Variants in RHPN2 observed in about 807,000 individuals in gnomAD.
RHPN2 encodes the protein rhophilin-2.
A neutral mutation model predicts 79.0 loss-of-function variants in RHPN2; 40 were observed. That is an observed-to-expected ratio of 0.51 (90% CI 0.39 to 0.66). The LOEUF (loss-of-function observed/expected upper bound fraction) is 0.66. RHPN2 is among the 30% of genes least tolerant of loss of function. The pLI, the probability that RHPN2 is intolerant of heterozygous loss-of-function variation, is 0.00. For missense variants in RHPN2, 686 were observed against 883.5 expected, an observed-to-expected ratio of 0.78 and a Z score of 2.83; for synonymous variants, 285 against 363.5, an observed-to-expected ratio of 0.78 and a Z score of 2.46.
At chr19:33,060,526 C>G (rs184966469) in intron 1 of RHPN2, among the ~76,000 whole-genome samples, 16 of 150,902 alleles carry the variant, frequency 1.1e-4, no homozygotes, top group South Asian at 4.3e-4. Flanking sequence ...ACGGCCGTTT[C>G]TTTGTTTGTT....
chr19:32,999,051 AGT>A (rs907385671), intron 10 of RHPN2, among the ~76,000 whole-genome samples: 9 of 151,056 alleles, frequency 6.0e-5, no homozygotes, highest in Non-Finnish European at 1.3e-4. Context: ...AAGCGTGGAG[AGT>A]GAGTCCAAGG....
intron 3 of RHPN2, 68 bp downstream of exon 3, chr19:33,026,436 G>A: frequency 1.3e-6 from 2 of 1,584,540 alleles, no homozygotes; most frequent in Non-Finnish European, 1.7e-6. Flanking sequence ...ACCTCTTTGT[G>A]CAGCACCCTG....
chr19:33,044,184 G>T (rs1972123463), intron 2 of RHPN2, 65 bp downstream of exon 2: 3 of 1,245,188 alleles, frequency 2.4e-6, no homozygotes, highest in South Asian at 1.2e-5. Context: ...CAAGAGCCTG[G>T]CCTGGGAGTT....
chr19:33,030,323 T>C (rs1028826298), intron 2 of RHPN2, among the ~76,000 whole-genome samples: 8 of 152,170 alleles, frequency 5.3e-5, no homozygotes, highest in African/African-American at 1.7e-4. Context: ...CCAGGTGCAG[T>C]GGCTCACATC....
intron 11 of RHPN2, among the ~76,000 whole-genome samples, chr19:32,994,301 C>T (rs1769577093): frequency 6.6e-6 from 1 of 151,960 alleles, no homozygotes; most frequent in Admixed American, 6.6e-5. Flanking sequence ...GAGGCTGAGG[C>T]AGGAGAATCA....
intron 4 of RHPN2, among the ~76,000 whole-genome samples, chr19:33,015,843 G>C (rs1032269226): frequency 5.3e-5 from 8 of 152,148 alleles, no homozygotes; most frequent in African/African-American, 1.9e-4. Flanking sequence ...GAGGTCAGGA[G>C]TTTGAGACCA....
At chr19:33,030,175 G>A (rs1971999807) in intron 2 of RHPN2, among the ~76,000 whole-genome samples, 1 of 152,130 alleles carries the variant, frequency 6.6e-6, no homozygotes, top group Non-Finnish European at 1.5e-5. Context: ...TTCCTCTTGT[G>A]GCCCTGGAAG....
chr19:33,001,456 C>G (rs1033518118), intron 9 of RHPN2, among the ~76,000 whole-genome samples: 8 of 152,020 alleles, frequency 5.3e-5, no homozygotes, highest in Admixed American at 2.0e-4. Flanking sequence ...TTGGGAGGAT[C>G]GCTTGAGCCC....
At chr19:33,038,017 T>C (rs1189651594) in intron 2 of RHPN2, among the ~76,000 whole-genome samples, 2 of 151,886 alleles carry the variant, frequency 1.3e-5, no homozygotes, top group East Asian at 3.9e-4. Context: ...AGCCTGAGCA[T>C]CATAGGGAGA....
Position 33,064,849 on chromosome 19 carries a change from T to A in RHPN2, c.4A>T (p.Thr2Ser). ...GGGGCCGCGGGCAACAGCGCGTCGG[T>A]CATGCTAGCGGCGCGGGCGCGGAGG... is the stretch of plus-strand genomic sequence containing the variant. MTDALLPAAPQP... is the reference protein window; with the variant it reads MSDALLPAAPQP... The change falls in exon 1 of 15, where the codon ACC becomes TCC. Residue 2 changes from threonine to serine, a missense_variant. Transcript: ENST00000254260. 6.9e-7 allele frequency: 1 copy of A among 1,448,052 alleles called. No individual in the cohort carries two copies. 89.7% of individuals were successfully genotyped at this position (1,448,052 alleles called of 1,614,324 possible).
chr19:33,032,941 G>A (rs1287135384), intron 2 of RHPN2, among the ~76,000 whole-genome samples: 1 of 152,014 alleles, frequency 6.6e-6, no homozygotes, highest in Non-Finnish European at 1.5e-5. Flanking sequence ...CTTACCTCCA[G>A]CTAAATCTCT....
chr19:33,016,905 G>C (rs1434419254), intron 4 of RHPN2, among the ~76,000 whole-genome samples: 1 of 152,224 alleles, frequency 6.6e-6, no homozygotes, highest in African/African-American at 2.4e-5. Flanking sequence ...GACATTTGTA[G>C]AGTCTCTTTT....
chr19:33,031,391 C>T (rs1196603479), intron 2 of RHPN2, among the ~76,000 whole-genome samples: 4 of 151,506 alleles, frequency 2.6e-5, no homozygotes, highest in Non-Finnish European at 5.9e-5. Flanking sequence ...TCCCAAGTAG[C>T]TGGGACTACA....
intron 13 of RHPN2, chr19:32,991,232 C>T (rs1182101603): frequency 2.2e-5 from 4 of 184,218 alleles, no homozygotes; most frequent in East Asian, 1.4e-4. Context: ...CCGAGGTAGG[C>T]GGATCACAAG....
chr19:32,997,787 G>A (rs772078246), intron 10 of RHPN2, among the ~76,000 whole-genome samples: 7 of 152,134 alleles, frequency 4.6e-5, no homozygotes, highest in Non-Finnish European at 8.8e-5. Context: ...CACCACACCC[G>A]GCCAAGGAAA....
At position 33,044,303 on chromosome 19, in the gene RHPN2, T is replaced by C; in HGVS notation, c.131A>G (p.Asn44Ser). The C allele has an allele frequency of 6.2e-7, 1 of 1,614,128 alleles. No homozygotes were observed. The highest frequency in any genetic ancestry group is 8.5e-7 in the Non-Finnish European group (1 of 1,180,030). The change falls in exon 2 of 15, where the codon AAT becomes AGT. Residue 44 changes from asparagine to serine, a missense_variant. By Grantham distance (46) the Asn-to-Ser change is conservative. Transcript: ENST00000254260. ...CCGCACGGCTTTCAGGATCTGCTGATTCAAAGCAGCTCTTTGATTCTGCAA... is the reference window on the plus strand; with the variant it reads ...CCGCACGGCTTTCAGGATCTGCTGACTCAAAGCAGCTCTTTGATTCTGCAA... ...SKLQNQRAAL[N>S]QQILKAVRMR...
At chr19:33,041,800 A>G (rs558017674) in intron 2 of RHPN2, among the ~76,000 whole-genome samples, 2 of 152,276 alleles carry the variant, frequency 1.3e-5, no homozygotes, top group Admixed American at 6.5e-5. Flanking sequence ...ACTTGTCTAT[A>G]AAAGTCTCCT....
chr19:33,014,240 CACAA>C (rs934086465), intron 4 of RHPN2, among the ~76,000 whole-genome samples: 7 of 152,106 alleles, frequency 4.6e-5, no homozygotes, highest in Non-Finnish European at 7.3e-5. Context: ...CATACAGACA[CACAA>C]ACAGACAAAC....
intron 1 of RHPN2, 54 bp from the exon 2 acceptor site, chr19:33,044,418 A>C: frequency 9.0e-7 from 1 of 1,115,408 alleles, no homozygotes; most frequent in East Asian, 2.3e-5. Flanking sequence ...AAAAATGATG[A>C]CAGGGTTTAA....
Sources: allele counts gnomAD v4.1 joint callset (sites outside exome capture counted in the v4.1 genomes callset), GRCh38; gene constraint gnomAD v4.1.1; transcripts MANE v1.5; gene names NCBI Gene and HGNC (gene_info 2026-07-23, HGNC 2026-07-21).